Variants in RABEPK observed in about 807,000 individuals in gnomAD.
The protein encoded by RABEPK is 40 kDa Rab9 effector protein.
Under a neutral mutation model 34.1 loss-of-function variants are expected in RABEPK, and 27 were observed. The ratio of observed to expected loss-of-function variants is 0.79; its 90% confidence interval spans 0.58 to 1.09. RABEPK has a LOEUF of 1.09. Ranked by LOEUF, RABEPK falls within the 50% of genes least tolerant of loss-of-function variation. The pLI is 0.00. For missense variants in RABEPK, 449 were observed against 462.6 expected (o/e 0.97, Z 0.27); for synonymous variants, 172 against 169.2 (o/e 1.02, Z -0.13).
intron 6 of RABEPK, among the ~76,000 whole-genome samples, chr9:125,230,289 G>A (rs1395108981): frequency 2.6e-5 from 4 of 152,032 alleles, no homozygotes; most frequent in African/African-American, 9.7e-5. Flanking sequence ...GTGGAGGGAT[G>A]AAGAAATGAA....
chr9:125,233,596 C>A, intron 7 of RABEPK, 92 bp from the exon 8 acceptor site: 1 of 1,346,456 alleles, frequency 7.4e-7, no homozygotes, highest in Middle Eastern at 1.9e-4. Context: ...CCCGCTTCGG[C>A]CTCCCAAAGT....
intron 2 of RABEPK, among the ~76,000 whole-genome samples, chr9:125,206,359 A>G (rs1179801416): frequency 6.6e-6 from 1 of 152,036 alleles, no homozygotes; most frequent in African/African-American, 2.4e-5. Context: ...TTAGCCAGGC[A>G]TGGTGGTGCG....
At chr9:125,227,721 G>A (rs755902968) in intron 5 of RABEPK, among the ~76,000 whole-genome samples, 189 bp from the exon 6 acceptor site, 4 of 151,862 alleles carry the variant, frequency 2.6e-5, no homozygotes, top group East Asian at 1.9e-4. Flanking sequence ...GTGAGCCACC[G>A]CAGCAGCCTA....
At chr9:125,224,597 C>T (rs1181456184) in intron 5 of RABEPK, among the ~76,000 whole-genome samples, 1 of 152,006 alleles carries the variant, frequency 6.6e-6, no homozygotes, top group East Asian at 1.9e-4. Flanking sequence ...GGACTGCAGG[C>T]ACATGCCACC....
intron 2 of RABEPK, among the ~76,000 whole-genome samples, chr9:125,204,359 A>G (rs1439958952): frequency 6.6e-6 from 1 of 152,146 alleles, no homozygotes; most frequent in Admixed American, 6.6e-5. Context: ...AGGTGGGTGG[A>G]TCACTTGAAG....
At chr9:125,225,969 A>AAAAAAG (rs912554130) in intron 5 of RABEPK, among the ~76,000 whole-genome samples, 1 of 150,710 alleles carries the variant, frequency 6.6e-6, no homozygotes, top group East Asian at 1.9e-4. Context: ...TTTCAAAAAA[A>AAAAAAG]AAAAAGAAAA....
chr9:125,232,586 C>G lies in RABEPK; in HGVS notation c.677-10C>G, dbSNP rs1430113104. 6.2e-7 allele frequency: 1 copy of G among 1,608,220 alleles called. No individual in the cohort carries two copies. Among genetic ancestry groups the G allele is most frequent in the East Asian group, 2.2e-5 (1 of 44,760 alleles). Reference sequence around the variant, plus strand: ...CATGCTGCGCCAAAGCTCTTTCTTTCTCTTGGCAGGTGACATGAAATGGCA... The same window carrying G: ...CATGCTGCGCCAAAGCTCTTTCTTTGTCTTGGCAGGTGACATGAAATGGCA... On this transcript the variant is annotated splice_polypyrimidine_tract_variant and intron_variant, in intron 6 of 7. Transcript: ENST00000373538.
chr9:125,220,723 G>A, intron 5 of RABEPK, 23 bp downstream of exon 5: 3 of 1,604,968 alleles, frequency 1.9e-6, no homozygotes, highest in Non-Finnish European at 2.6e-6. Flanking sequence ...GGGCACCTTG[G>A]GGCTGGTCAG....
chr9:125,213,108 CAT>C (rs1193309628), intron 3 of RABEPK, among the ~76,000 whole-genome samples: 1 of 152,162 alleles, frequency 6.6e-6, no homozygotes, highest in African/African-American at 2.4e-5. Flanking sequence ...AAAGTCAAAG[CAT>C]AGTACAAACA....
intron 6 of RABEPK, among the ~76,000 whole-genome samples, chr9:125,231,474 C>G (rs1388298466): frequency 6.6e-6 from 1 of 152,118 alleles, no homozygotes; most frequent in Non-Finnish European, 1.5e-5. Context: ...AAGTCTCTTT[C>G]CTTCTCTATT....
intron 3 of RABEPK, among the ~76,000 whole-genome samples, chr9:125,211,775 C>T (rs535001003): frequency 1.3e-5 from 2 of 152,074 alleles, no homozygotes; most frequent in Non-Finnish European, 2.9e-5. Flanking sequence ...TGAGGCCAGC[C>T]CGGCCAATAT....
intron 5 of RABEPK, among the ~76,000 whole-genome samples, chr9:125,224,454 CTT>C (rs34504635): frequency 6.2e-4 from 77 of 124,664 alleles, no homozygotes; most frequent in Admixed American, 7.5e-4. Flanking sequence ...TAGGTATTGT[CTT>C]TTTTTTTTTT....
chr9:125,215,603 C>T (rs1830884201), intron 4 of RABEPK, among the ~76,000 whole-genome samples: 1 of 152,072 alleles, frequency 6.6e-6, no homozygotes. Context: ...TGAGCCACTG[C>T]ACCTGGCCAA....
chr9:125,227,650 C>T (rs1831856536), intron 5 of RABEPK, among the ~76,000 whole-genome samples: 1 of 151,656 alleles, frequency 6.6e-6, no homozygotes, highest in African/African-American at 2.4e-5. Flanking sequence ...AGGCTGGCCT[C>T]GAACTCCTGA....
rs141929035 is a variant in RABEPK, at chr9:125,233,762, A to T, written c.901A>T (p.Ile301Phe). The T allele has an allele frequency of 5.0e-6, 8 of 1,613,884 alleles. No individual in the cohort carries two copies. The highest frequency in any genetic ancestry group is 6.8e-6 in the Non-Finnish European group (8 of 1,179,756). Residue 301 changes from isoleucine to phenylalanine, a missense_variant, in exon 8 of 8, where the codon ATT becomes TTT. By Grantham distance (21) the Ile-to-Phe change is conservative. Transcript: ENST00000373538. ...ACGATTGGACCATTCCATGTGTATC[A>T]TTCCATGGCCAGTGACGTGTGCTTC... ...PGRLDHSMCI[I>F]PWPVTCASEK...
chr9:125,203,878 C>A (rs1202517788), intron 2 of RABEPK, among the ~76,000 whole-genome samples: 1 of 151,324 alleles, frequency 6.6e-6, no homozygotes, highest in Non-Finnish European at 1.5e-5. Context: ...ACTAAAAATA[C>A]AAAAATTAGC....
At chr9:125,220,753 T>A (rs1831276214) in intron 5 of RABEPK, 53 bp downstream of exon 5, 1 of 1,543,930 alleles carries the variant, frequency 6.5e-7, no homozygotes, top group Non-Finnish European at 8.7e-7. Context: ...AGTTTACACA[T>A]TACCTAATAT....
intron 2 of RABEPK, among the ~76,000 whole-genome samples, chr9:125,204,564 C>T (rs1209692658): frequency 2.0e-5 from 3 of 152,212 alleles, no homozygotes; most frequent in Non-Finnish European, 4.4e-5. Flanking sequence ...CTGGGCGCAA[C>T]AGAGGGAGAC....
Position 125,232,636 on chromosome 9 carries a change from TC to T in RABEPK, c.719del (p.Pro240GlnfsTer22), listed in dbSNP as rs1832279985. 1.2e-6 allele frequency: 2 copies of T among 1,613,914 alleles called. No individual in the cohort carries two copies. The highest frequency in any genetic ancestry group is 4.5e-5 in the East Asian group (2 of 44,898). On this transcript the variant is annotated frameshift_variant, in exon 7 of 8. Coordinates refer to ENST00000373538, the MANE Select transcript of RABEPK (RefSeq NM_005833.4). LOFTEE classifies it high-confidence loss of function. ...AGAAGCTAAATCCCACTGGGGCTGC[TC>T]CAGCAGGCTGTGCTGCCCACTCAGC... ...WQKLNPTGAAPAGCAAHSAVA... is the reference protein window; with the variant it reads ...WQKLNPTGAAXAGCAAHSAVA...
Sources: allele counts gnomAD v4.1 joint callset (sites outside exome capture counted in the v4.1 genomes callset), GRCh38; gene constraint gnomAD v4.1.1; transcripts MANE v1.5; gene names NCBI Gene and HGNC (gene_info 2026-07-23, HGNC 2026-07-21).